UBA6: variants seen among roughly 807,000 people sequenced by gnomAD.
UBA6 encodes ubiquitin-like modifier-activating enzyme 6.
In UBA6, 87 loss-of-function variants were observed where a neutral mutation model predicts 148.3. That is an observed-to-expected ratio of 0.59 (90% CI 0.49 to 0.70). The LOEUF (loss-of-function observed/expected upper bound fraction) is 0.70, where lower values mean the gene tolerates loss of function less well. UBA6 is among the 30% of genes least tolerant of loss of function. UBA6 has a pLI of 0.00. For missense variants in UBA6, 1,186 were observed against 1,241.2 expected (o/e 0.96, Z 0.67); for synonymous variants, 376 against 401.0 (o/e 0.94, Z 0.75).
chr4:67,674,322 C>T (rs184162938), intron 6 of UBA6, among the ~76,000 whole-genome samples: 10 of 152,040 alleles, frequency 6.6e-5, no homozygotes, highest in Non-Finnish European at 2.9e-5. Flanking sequence ...AATGCAAGGC[C>T]CTTACCGCTC....
intron 7 of UBA6, among the ~76,000 whole-genome samples, chr4:67,672,685 T>C (rs1466711958): frequency 6.6e-6 from 1 of 152,222 alleles, no homozygotes; most frequent in African/African-American, 2.4e-5. Flanking sequence ...ATTTTGGTCC[T>C]GTTTGCCTCT....
chr4:67,677,567 C>T, intron 6 of UBA6, 44 bp downstream of exon 6: 1 of 1,016,438 alleles, frequency 9.8e-7, no homozygotes. Context: ...ACAATTTTGC[C>T]CTGGAACCTG....
intron 17 of UBA6, among the ~76,000 whole-genome samples, chr4:67,643,613 C>T (rs1315947431): frequency 6.6e-6 from 1 of 151,900 alleles, no homozygotes; most frequent in Non-Finnish European, 1.5e-5. Flanking sequence ...TTGTAAGTAC[C>T]CATGGCTTTC....
At chr4:67,699,541 CACAT>C (rs1471484439) in intron 1 of UBA6, among the ~76,000 whole-genome samples, 2 of 137,836 alleles carry the variant, frequency 1.5e-5, no homozygotes, top group African/African-American at 5.3e-5. Flanking sequence ...AAAAAACACA[CACAT>C]ACACAATATA....
At chr4:67,691,489 A>C (rs1730692767) in intron 2 of UBA6, among the ~76,000 whole-genome samples, 1 of 152,114 alleles carries the variant, frequency 6.6e-6, no homozygotes, top group Non-Finnish European at 1.5e-5. Context: ...AGCACATGTG[A>C]CTCTATTCAT....
rs1184702613 is a variant in UBA6, at chr4:67,613,851, A to G, written c.*5146T>C. On this transcript the variant is annotated 3_prime_UTR_variant, in exon 33 of 33. Transcript: ENST00000322244. ...CTCTGGCATAACAAGAAAGAAAATC[A>G]AAATATTTTACCCCGAAATATGTTT... 1 of 152,208 alleles carries G rather than the reference A, an allele frequency of 6.6e-6. No homozygotes were observed. Among genetic ancestry groups the G allele is most frequent in the Admixed American group, 6.5e-5 (1 of 15,280 alleles). The allele number at this position is 152,208 out of a possible 1,614,324, so 9.4% of individuals were successfully genotyped here.
intron 22 of UBA6, among the ~76,000 whole-genome samples, chr4:67,633,820 A>G (rs1729058861): frequency 6.6e-6 from 1 of 152,138 alleles, no homozygotes; most frequent in African/African-American, 2.4e-5. Flanking sequence ...GCAAAAGATT[A>G]AAAGAAAGTG....
intron 2 of UBA6, among the ~76,000 whole-genome samples, chr4:67,691,610 T>C (rs11934367): frequency 0.2 from 30,696 of 152,108 alleles, 3,361 homozygotes; most frequent in Middle Eastern, 0.3. Context: ...ACTGTAAACC[T>C]TGAATGACAT....
At chr4:67,700,754 C>G (rs910011999) in intron 1 of UBA6, among the ~76,000 whole-genome samples, 1 of 152,150 alleles carries the variant, frequency 6.6e-6, no homozygotes, top group East Asian at 1.9e-4. Context: ...CGCTCTCGAC[C>G]GGAGCCCCCC....
At chr4:67,676,137 C>T (rs1730275205) in intron 6 of UBA6, among the ~76,000 whole-genome samples, 1 of 151,400 alleles carries the variant, frequency 6.6e-6, no homozygotes, top group African/African-American at 2.4e-5. Context: ...GATTCTCCTG[C>T]CTCAGCCTCC....
At chr4:67,624,336 T>C in intron 29 of UBA6, 83 bp from the exon 30 acceptor site, 1 of 1,320,604 alleles carries the variant, frequency 7.6e-7, no homozygotes, top group South Asian at 1.6e-5. Flanking sequence ...CTTTCACGTT[T>C]TCAAGCATTT....
At chr4:67,643,682 T>C (rs568270372) in intron 17 of UBA6, among the ~76,000 whole-genome samples, 2 of 152,162 alleles carry the variant, frequency 1.3e-5, no homozygotes, top group South Asian at 4.1e-4. Flanking sequence ...TCTTTTCAGC[T>C]TGGCTACATT....
intron 2 of UBA6, among the ~76,000 whole-genome samples, chr4:67,682,694 C>T (rs1730471667): frequency 6.6e-6 from 1 of 152,062 alleles, no homozygotes; most frequent in South Asian, 2.1e-4. Context: ...ATCCTAATAG[C>T]CACAAGGTAG....
At chr4:67,630,419 T>G (rs1241433148) in intron 26 of UBA6, 47 bp downstream of exon 26, 3 of 1,275,594 alleles carry the variant, frequency 2.4e-6, no homozygotes, top group South Asian at 2.7e-5. Flanking sequence ...GTCATCTAAT[T>G]CTAATTTGGT....
At chr4:67,656,710 G>A (rs71240972) in intron 13 of UBA6, among the ~76,000 whole-genome samples, 1 of 152,124 alleles carries the variant, frequency 6.6e-6, no homozygotes, top group Non-Finnish European at 1.5e-5. Flanking sequence ...GAAATAAAGG[G>A]TATTCAATTA....
chr4:67,625,415 G>A (rs181807264), intron 28 of UBA6, among the ~76,000 whole-genome samples: 138 of 150,828 alleles, frequency 9.1e-4, no homozygotes, highest in Non-Finnish European at 1.8e-3. Flanking sequence ...AAAAACGATG[G>A]TTTTAATGCC....
intron 13 of UBA6, among the ~76,000 whole-genome samples, chr4:67,653,912 C>A (rs187200420): frequency 6.6e-6 from 1 of 151,948 alleles, no homozygotes; most frequent in Non-Finnish European, 1.5e-5. Context: ...ATAGCTGATT[C>A]GATCAAATGG....
chr4:67,695,244 A>AC (rs1730806119), intron 2 of UBA6, among the ~76,000 whole-genome samples: 1 of 151,692 alleles, frequency 6.6e-6, no homozygotes, highest in Non-Finnish European at 1.5e-5. Context: ...TAAGAGTCCC[A>AC]CTCTCCCTTT....
chr4:67,663,394 C>A (rs1027211212), intron 11 of UBA6, 179 bp from the exon 12 acceptor site: 2 of 486,616 alleles, frequency 4.1e-6, no homozygotes, highest in Non-Finnish European at 7.4e-6. Context: ...GACTTAACCT[C>A]AAGGCCATGA....
Sources: gnomAD v4.1 joint callset for allele counts (sites outside exome capture counted in the v4.1 genomes callset) on GRCh38, gnomAD v4.1.1 for gene constraint, MANE v1.5 for transcripts, NCBI Gene and HGNC (gene_info 2026-07-23, HGNC 2026-07-21) for gene names.